Variants in HPSE2 observed in about 807,000 individuals in gnomAD.
HPSE2 encodes the protein inactive heparanase-2.
Under a neutral mutation model 60.5 loss-of-function variants are expected in HPSE2, and 38 were observed. The ratio of observed to expected loss-of-function variants is 0.63; its 90% CI spans 0.48 to 0.82. HPSE2 has a LOEUF of 0.82. HPSE2 is among the 40% of genes least tolerant of loss of function. HPSE2 has a pLI of 0.00. For synonymous variants in HPSE2, 295 were observed against 293.2 expected, an observed-to-expected ratio of 1.01 and a Z score of -0.06; for missense variants, 713 against 740.4, an observed-to-expected ratio of 0.96 and a Z score of 0.43.
chr10:98,783,018 C>G (rs1299703120), intron 3 of HPSE2, among the ~76,000 whole-genome samples: 1 of 108,106 alleles, frequency 9.3e-6, no homozygotes, highest in African/African-American at 3.8e-5. Flanking sequence ...TATACATGTG[C>G]CATGCTGGTG....
At chr10:99,140,466 ACC>A (rs1389214567) in intron 3 of HPSE2, among the ~76,000 whole-genome samples, 5 of 152,334 alleles carry the variant, frequency 3.3e-5, no homozygotes, top group Admixed American at 3.3e-4. Flanking sequence ...TAGAAATTTG[ACC>A]TCATTTCAGG....
chr10:98,642,844 A>G (rs1176081940), intron 6 of HPSE2, among the ~76,000 whole-genome samples: 1 of 152,170 alleles, frequency 6.6e-6, no homozygotes, highest in Non-Finnish European at 1.5e-5. Flanking sequence ...GCCTTTTCCA[A>G]TCCACTAAGT....
intron 9 of HPSE2, among the ~76,000 whole-genome samples, chr10:98,550,396 C>T (rs1943825314): frequency 6.6e-6 from 1 of 152,066 alleles, no homozygotes; most frequent in African/African-American, 2.4e-5. Context: ...TGAGTTCAAC[C>T]AGTCCTCCTG....
intron 3 of HPSE2, among the ~76,000 whole-genome samples, chr10:99,071,443 TA>T (rs1011756478): frequency 6.6e-6 from 1 of 152,198 alleles, no homozygotes; most frequent in African/African-American, 2.4e-5. Context: ...ACCAGCTGAG[TA>T]CAAGGGTTCC....
chr10:98,880,153 A>C (rs954466940), intron 3 of HPSE2, among the ~76,000 whole-genome samples: 10 of 152,064 alleles, frequency 6.6e-5, no homozygotes, highest in African/African-American at 2.4e-4. Flanking sequence ...GATTTCAAAT[A>C]GAAACATTTC....
intron 6 of HPSE2, among the ~76,000 whole-genome samples, chr10:98,663,122 G>C (rs1203289153): frequency 2.0e-5 from 3 of 152,146 alleles, no homozygotes; most frequent in Non-Finnish European, 4.4e-5. Flanking sequence ...CACAAAACAT[G>C]TTCTGGGCAT....
At chr10:98,490,603 A>G (rs762407291) in intron 9 of HPSE2, among the ~76,000 whole-genome samples, 11 of 152,186 alleles carry the variant, frequency 7.2e-5, no homozygotes, top group Non-Finnish European at 1.2e-4. Flanking sequence ...GATTATTTCC[A>G]TTCCTTAGAA....
intron 9 of HPSE2, among the ~76,000 whole-genome samples, chr10:98,576,053 A>C (rs973859183): frequency 3.3e-5 from 5 of 152,168 alleles, no homozygotes; most frequent in African/African-American, 1.2e-4. Context: ...AGTAGAATGA[A>C]GCCCCTGTTT....
intron 3 of HPSE2, among the ~76,000 whole-genome samples, chr10:98,926,428 C>T (rs1299896799): frequency 6.6e-6 from 1 of 152,118 alleles, no homozygotes; most frequent in African/African-American, 2.4e-5. Context: ...GGATTACCCA[C>T]TCTTGGAAAC....
intron 9 of HPSE2, among the ~76,000 whole-genome samples, chr10:98,504,952 C>G (rs147769817): frequency 6.6e-6 from 1 of 152,102 alleles, no homozygotes; most frequent in African/African-American, 2.4e-5. Context: ...AAAAATGGTA[C>G]GTAATTTCCT....
At chr10:99,013,039 G>A (rs1249081435) in intron 3 of HPSE2, 2 of 464,222 alleles carry the variant, frequency 4.3e-6, no homozygotes, top group South Asian at 2.4e-5. Context: ...AATTGCTGCA[G>A]CTTTCAGGTA....
chr10:99,152,561 T>G (rs1056961170), intron 2 of HPSE2, among the ~76,000 whole-genome samples: 2 of 152,190 alleles, frequency 1.3e-5, no homozygotes, highest in Non-Finnish European at 2.9e-5. Context: ...CATATATAGA[T>G]GTAATAGTAA....
chr10:99,017,085 G>C (rs779407021), intron 3 of HPSE2, among the ~76,000 whole-genome samples: 1 of 152,080 alleles, frequency 6.6e-6, no homozygotes, highest in Non-Finnish European at 1.5e-5. Flanking sequence ...AGTGGTGAGA[G>C]AGACTATCCT....
At chr10:98,516,041 C>T (rs866945968) in intron 9 of HPSE2, among the ~76,000 whole-genome samples, 5 of 152,202 alleles carry the variant, frequency 3.3e-5, no homozygotes, top group East Asian at 1.9e-4. Context: ...CCTTACAGCA[C>T]GGTTCACACT....
At chr10:99,244,382 T>TTTATGATTATTATTA in the HPSE2 span, among the ~76,000 whole-genome samples, 8 of 134,182 alleles carry the variant, frequency 6.0e-5, no homozygotes, top group African/African-American at 2.2e-4. Context: ...TTTTATTTCT[T>TTTATGATTATTATTA]TTATTATTAT....
chr10:98,754,113 A>G (rs1949822929), intron 3 of HPSE2, among the ~76,000 whole-genome samples: 1 of 152,222 alleles, frequency 6.6e-6, no homozygotes, highest in African/African-American at 2.4e-5. Flanking sequence ...AAAATCCAAT[A>G]AAATGATACA....
At chr10:99,303,467 C>T in the HPSE2 span, among the ~76,000 whole-genome samples, 1 of 152,120 alleles carries the variant, frequency 6.6e-6, no homozygotes, top group Non-Finnish European at 1.5e-5. Context: ...AATTAACCTC[C>T]CTGTTCGACC....
chr10:98,750,351 T>C (rs1949731161), intron 3 of HPSE2, among the ~76,000 whole-genome samples: 1 of 152,146 alleles, frequency 6.6e-6, no homozygotes, highest in African/African-American at 2.4e-5. Flanking sequence ...AGGGCCTTAC[T>C]GGTCATTATA....
chr10:98,982,692 C>A (rs1956235706), intron 3 of HPSE2, among the ~76,000 whole-genome samples: 2 of 151,940 alleles, frequency 1.3e-5, no homozygotes, highest in Admixed American at 1.3e-4. Context: ...TCCTAATAAG[C>A]AATCAACTGA....
Sources: gnomAD v4.1 joint callset for allele counts (sites outside exome capture counted in the v4.1 genomes callset) on GRCh38, gnomAD v4.1.1 for gene constraint, MANE v1.5 for transcripts, NCBI Gene and HGNC (gene_info 2026-07-23, HGNC 2026-07-21) for gene names.